Variants in ADGRL2 observed in about 807,000 individuals in gnomAD.
ADGRL2 encodes the protein calcium-independent alpha-latrotoxin receptor 2.
In ADGRL2, 44 loss-of-function variants were observed where a neutral mutation model predicts 157.4. The observed-to-expected ratio is 0.28, with a 90% CI of 0.22 to 0.36. ADGRL2 has a LOEUF of 0.36. Among genes scored for constraint, ADGRL2 ranks in the 10% least tolerant of loss-of-function variants. The pLI is 1.00. For synonymous variants in ADGRL2, 585 were observed against 624.7 expected (o/e 0.94, Z 0.95); for missense variants, 1,510 against 1,768.9 (o/e 0.85, Z 2.63).
chr1:81,388,913 G>A (rs1230103554), intron 1 of ADGRL2, among the ~76,000 whole-genome samples: 4 of 152,032 alleles, frequency 2.6e-5, no homozygotes, highest in Non-Finnish European at 5.9e-5. Context: ...GCTTTTTGGG[G>A]CCCCAGCTCA....
chr1:81,849,283 C>T (rs569586165), intron 2 of ADGRL2, among the ~76,000 whole-genome samples: 5 of 152,010 alleles, frequency 3.3e-5, no homozygotes, highest in South Asian at 4.1e-4. Context: ...AATCCCATTT[C>T]TATTTGCACT....
At chr1:81,715,737 T>C (rs1237107496) in intron 1 of ADGRL2, among the ~76,000 whole-genome samples, 2 of 152,160 alleles carry the variant, frequency 1.3e-5, no homozygotes, top group Non-Finnish European at 2.9e-5. Flanking sequence ...AAATATCTCT[T>C]ATCCCCCTGC....
At chr1:81,828,231 A>G (rs1337279155) in intron 1 of ADGRL2, among the ~76,000 whole-genome samples, 2 of 152,046 alleles carry the variant, frequency 1.3e-5, no homozygotes, top group Non-Finnish European at 2.9e-5. Flanking sequence ...ATCACTCTTA[A>G]AGCCTAAAAT....
At chr1:81,953,706 TGATA>T (rs1652570066) in intron 10 of ADGRL2, among the ~76,000 whole-genome samples, 2 of 152,296 alleles carry the variant, frequency 1.3e-5, no homozygotes, top group South Asian at 4.1e-4. Context: ...TGGTTCTGTG[TGATA>T]GATCAAAATA....
chr1:81,691,880 G>GTATATATATATATA lies in ADGRL2; in HGVS notation c.-142-69929_-142-69916dup, dbSNP rs58043778. ...TATATATATATGGGTGTGTGTGTGT[G>GTATATATATATATA]TATATATATATATATGTATGTGTAT... On this transcript the variant is annotated intron_variant, in intron 3 of 24. Coordinates refer to the ADGRL2 transcript ENST00000370721. 4.6e-4 allele frequency among the ~76,000 whole-genome samples: 55 copies of GTATATATATATATA among 119,876 alleles called. 2 individuals carry two copies. Among genetic ancestry groups the GTATATATATATATA allele is most frequent in the Middle Eastern group, 4.9e-3 (1 of 204 alleles). 78.6% of individuals were successfully genotyped at this position (119,876 alleles called of 152,430 possible).
At chr1:81,899,790 A>C (rs1313010578) in intron 2 of ADGRL2, among the ~76,000 whole-genome samples, 3 of 152,154 alleles carry the variant, frequency 2.0e-5, no homozygotes, top group Admixed American at 2.0e-4. Flanking sequence ...GTGTGGTTAA[A>C]AGGCTTTAAT....
At chr1:81,390,504 A>C (rs1350149789) in intron 1 of ADGRL2, among the ~76,000 whole-genome samples, 1 of 152,264 alleles carries the variant, frequency 6.6e-6, no homozygotes, top group Non-Finnish European at 1.5e-5. Context: ...TAAGATACAA[A>C]TGATTCATGC....
intron 3 of ADGRL2, among the ~76,000 whole-genome samples, chr1:81,613,875 AT>A (rs1195067320): frequency 1.3e-5 from 2 of 152,060 alleles, no homozygotes; most frequent in Non-Finnish European, 2.9e-5. Flanking sequence ...GTGAGAGCGC[AT>A]TTTTTTCCTG....
chr1:81,318,928 C>CTTTTTTTTTTTTTTTTTT (rs397980625), intron 1 of ADGRL2, among the ~76,000 whole-genome samples: 2 of 45,794 alleles, frequency 4.4e-5, no homozygotes, highest in African/African-American at 1.9e-4. Flanking sequence ...TCCATCAATT[C>CTTTTTTTTTTTTTTTTTT]TTTTTTTTTT....
At chr1:81,357,715 G>T (rs568621639) in intron 1 of ADGRL2, among the ~76,000 whole-genome samples, 2 of 152,062 alleles carry the variant, frequency 1.3e-5, no homozygotes, top group East Asian at 3.9e-4. Flanking sequence ...GGCAGGCTTG[G>T]GGGTAGAAGG....
At chr1:81,510,574 AGAAG>A (rs1362491745) in intron 2 of ADGRL2, among the ~76,000 whole-genome samples, 1 of 152,204 alleles carries the variant, frequency 6.6e-6, no homozygotes, top group African/African-American at 2.4e-5. Flanking sequence ...TTGGAAATAG[AGAAG>A]ATATGCATTG....
At chr1:81,948,544 A>G (rs1389560608) in intron 6 of ADGRL2, among the ~76,000 whole-genome samples, 1 of 152,170 alleles carries the variant, frequency 6.6e-6, no homozygotes, top group Non-Finnish European at 1.5e-5. Flanking sequence ...TTAAGACTTG[A>G]TTCAGCAGCA....
intron 23 of ADGRL2, among the ~76,000 whole-genome samples, chr1:81,989,406 G>A (rs973049606): frequency 2.0e-5 from 3 of 152,020 alleles, no homozygotes; most frequent in Non-Finnish European, 4.4e-5. Context: ...TGGTTCATTC[G>A]GTGCTGTCAC....
chr1:81,601,867 G>A (rs1442075731), intron 3 of ADGRL2, among the ~76,000 whole-genome samples: 1 of 152,070 alleles, frequency 6.6e-6, no homozygotes, highest in East Asian at 1.9e-4. Context: ...GAACATCAGA[G>A]CCAGAAAAGT....
At chr1:81,601,251 G>A (rs1015281283) in intron 3 of ADGRL2, among the ~76,000 whole-genome samples, 1 of 152,196 alleles carries the variant, frequency 6.6e-6, no homozygotes, top group Non-Finnish European at 1.5e-5. Context: ...AGGAGATGTT[G>A]TTATAATGTG....
At chr1:81,360,450 A>G (rs548676299) in intron 1 of ADGRL2, among the ~76,000 whole-genome samples, 57 of 152,130 alleles carry the variant, frequency 3.7e-4, no homozygotes, top group African/African-American at 1.4e-3. Context: ...GTGTTTCTGA[A>G]AAAAATAATG....
At chr1:81,935,602 A>G (rs751511528) in intron 3 of ADGRL2, among the ~76,000 whole-genome samples, 5 of 151,870 alleles carry the variant, frequency 3.3e-5, no homozygotes, top group African/African-American at 4.8e-5. Context: ...GCTATTTTAT[A>G]CTTCAGTATT....
At chr1:81,667,532 G>C (rs541221233) in intron 3 of ADGRL2, among the ~76,000 whole-genome samples, 6 of 152,254 alleles carry the variant, frequency 3.9e-5, no homozygotes, top group African/African-American at 1.2e-4. Flanking sequence ...TCTTTCGTCT[G>C]TCAACAATTC....
chr1:81,453,712 C>T (rs540151489), intron 2 of ADGRL2, among the ~76,000 whole-genome samples: 6 of 151,940 alleles, frequency 3.9e-5, no homozygotes, highest in Non-Finnish European at 8.8e-5. Flanking sequence ...TTTTGCTTTT[C>T]CTGGCAGCAA....
Sources: gnomAD v4.1 joint callset for allele counts (sites outside exome capture counted in the v4.1 genomes callset) on GRCh38, gnomAD v4.1.1 for gene constraint, MANE v1.5 for transcripts, NCBI Gene and HGNC (gene_info 2026-07-23, HGNC 2026-07-21) for gene names.